NRCAM: variants seen among roughly 807,000 people sequenced by gnomAD.
The protein encoded by NRCAM is NgCAM-related cell adhesion molecule.
Under a neutral mutation model 156.5 loss-of-function variants are expected in NRCAM, and 83 were observed. The observed-to-expected ratio is 0.53, with a 90% CI of 0.44 to 0.64. NRCAM has a LOEUF of 0.64. Ranked by LOEUF, NRCAM falls within the 30% of genes least tolerant of loss-of-function variation. The pLI, the probability that NRCAM is intolerant of heterozygous loss-of-function variation, is 0.00. For missense variants in NRCAM, 1,417 were observed against 1,597.3 expected (o/e 0.89, Z 1.92); for synonymous variants, 538 against 563.9 (o/e 0.95, Z 0.65).
intron 3 of NRCAM, among the ~76,000 whole-genome samples, chr7:108,287,046 C>T (rs969371726): frequency 6.6e-6 from 1 of 152,024 alleles, no homozygotes; most frequent in Non-Finnish European, 1.5e-5. Flanking sequence ...ATTGAAAAGC[C>T]ATATGCCGAA....
At chr7:108,240,384 A>C (rs973375211) in intron 3 of NRCAM, among the ~76,000 whole-genome samples, 2 of 152,172 alleles carry the variant, frequency 1.3e-5, no homozygotes, top group African/African-American at 4.8e-5. Flanking sequence ...TATGAAGCAT[A>C]ATCTGTCTAC....
intron 1 of NRCAM, among the ~76,000 whole-genome samples, chr7:108,436,367 T>C (rs1598008352): frequency 6.6e-6 from 1 of 152,202 alleles, no homozygotes; most frequent in Non-Finnish European, 1.5e-5. Flanking sequence ...TGATTAGATA[T>C]TCTAATATAG....
chr7:108,178,085 A>G lies in NRCAM; in HGVS notation c.2879T>C (p.Ile960Thr), dbSNP rs775319893. ...GAGAGAGTCCAGTGTTGGATTCACA[A>G]TCTTCAAAGACGAGGGAGCACTGGG... The part of the protein sequence containing the change: ...GVPSAPSSLK[I>T]VNPTLDSLTL... Residue 960 changes from isoleucine to threonine, a missense_variant, in exon 26 of 33, where the codon ATT (isoleucine) becomes ACT (threonine). Physicochemically the swap from Ile to Thr is moderately conservative, Grantham distance 89 (BLOSUM62 -1). This residue lies in a region of NRCAM where 1,238 missense variants were observed against 1,336.4 expected (regional missense o/e 0.93). Coordinates refer to ENST00000379028, the MANE Select transcript of NRCAM (RefSeq NM_001037132.4). The G allele has an allele frequency of 4.3e-6, 7 of 1,613,478 alleles. No individual in the cohort carries two copies. The highest frequency in any genetic ancestry group is 5.9e-6 in the Non-Finnish European group (7 of 1,179,652).
intron 28 of NRCAM, among the ~76,000 whole-genome samples, chr7:108,169,721 A>G (rs1229138878): frequency 6.6e-6 from 1 of 152,206 alleles, no homozygotes; most frequent in Non-Finnish European, 1.5e-5. Context: ...TTCTTCTTAT[A>G]GGTAAAATAA....
chr7:108,340,163 A>G (rs2099259313), intron 2 of NRCAM, among the ~76,000 whole-genome samples: 1 of 152,142 alleles, frequency 6.6e-6, no homozygotes, highest in Non-Finnish European at 1.5e-5. Flanking sequence ...TCCTTCTCCA[A>G]CTAATAAGCA....
At chr7:108,450,901 T>C (rs1357975937) in intron 1 of NRCAM, among the ~76,000 whole-genome samples, 1 of 152,182 alleles carries the variant, frequency 6.6e-6, no homozygotes, top group Non-Finnish European at 1.5e-5. Context: ...GTTCAGAATA[T>C]ATAGATATTA....
intron 9 of NRCAM, 117 bp downstream of exon 9, chr7:108,226,091 G>A (rs1261844234): frequency 2.9e-6 from 2 of 688,442 alleles, no homozygotes; most frequent in South Asian, 2.1e-5. Context: ...GCATTCATGG[G>A]TGGCTTCCTG....
chr7:108,256,487 G>C (rs372975633), intron 3 of NRCAM, among the ~76,000 whole-genome samples: 2 of 130,828 alleles, frequency 1.5e-5, no homozygotes, highest in African/African-American at 5.8e-5. Flanking sequence ...CAAACACTGC[G>C]GAAGGCCGCA....
chr7:108,379,352 C>T (rs1473086808), intron 2 of NRCAM, among the ~76,000 whole-genome samples: 1 of 152,122 alleles, frequency 6.6e-6, no homozygotes, highest in Non-Finnish European at 1.5e-5. Flanking sequence ...TGATAAGCCT[C>T]GACTTTGCTA....
chr7:108,238,593 T>C (rs1394058278), intron 4 of NRCAM, among the ~76,000 whole-genome samples: 1 of 152,168 alleles, frequency 6.6e-6, no homozygotes, highest in African/African-American at 2.4e-5. Flanking sequence ...GGTGACTGTT[T>C]CCCTCTGCTT....
At chr7:108,291,029 A>C (rs1405616800) in intron 3 of NRCAM, among the ~76,000 whole-genome samples, 1 of 152,188 alleles carries the variant, frequency 6.6e-6, no homozygotes, top group Non-Finnish European at 1.5e-5. Flanking sequence ...GAACAAAACC[A>C]CTTGGGATTA....
Position 108,207,536 on chromosome 7 carries a change from G to A in NRCAM, c.1199C>T (p.Pro400Leu), listed in dbSNP as rs768601502. 6.2e-6 allele frequency: 10 copies of A among 1,613,680 alleles called. No homozygotes were observed. In the Admixed American group the frequency reaches 6.7e-5, roughly 11 times the overall value. ...CACTCAAGGCAACTTACTTTCTATT[G>A]GGACTCCATTTGTTAACCAGCTAAT... The part of the protein sequence containing the change: ...PRISWLTNGV[P>L]IEIAPDDPSR... Residue 400 changes from proline (P) to leucine (L), a missense_variant, in exon 13 of 33, where the codon CCA (proline) becomes CTA (leucine). By Grantham distance (98) the Pro-to-Leu change is moderately conservative (BLOSUM62 -3). Coordinates refer to ENST00000379028, the MANE Select transcript of NRCAM (RefSeq NM_001037132.4).
chr7:108,266,694 TTTAGAAC>T (rs1270427506), intron 3 of NRCAM, among the ~76,000 whole-genome samples: 1 of 152,192 alleles, frequency 6.6e-6, no homozygotes, highest in Admixed American at 6.5e-5. Context: ...AGCTTCTATA[TTTAGAAC>T]TGGGTCTCCT....
At chr7:108,342,148 G>A (rs1476395604) in intron 2 of NRCAM, among the ~76,000 whole-genome samples, 1 of 152,138 alleles carries the variant, frequency 6.6e-6, no homozygotes, top group East Asian at 1.9e-4. Flanking sequence ...TCTCATACCT[G>A]GACACTCTTG....
intron 24 of NRCAM, among the ~76,000 whole-genome samples, 156 bp from the exon 25 acceptor site, chr7:108,180,583 G>A (rs1463161938): frequency 1.3e-5 from 2 of 152,246 alleles, no homozygotes; most frequent in Non-Finnish European, 2.9e-5. Context: ...TCTGAGGCAA[G>A]AGGAATAGAA....
intron 27 of NRCAM, among the ~76,000 whole-genome samples, chr7:108,176,193 C>T (rs529175020): frequency 6.5e-4 from 99 of 152,192 alleles, no homozygotes; most frequent in Admixed American, 1.4e-3. Context: ...ATTATGCTTA[C>T]TCACTCCCAC....
chr7:108,298,621 C>G (rs1232647446), intron 3 of NRCAM, among the ~76,000 whole-genome samples: 2 of 151,512 alleles, frequency 1.3e-5, no homozygotes, highest in African/African-American at 4.9e-5. Flanking sequence ...CCACTGTACT[C>G]CAGCCTGGGT....
intron 3 of NRCAM, among the ~76,000 whole-genome samples, chr7:108,260,228 G>T (rs1379711896): frequency 2.6e-5 from 4 of 152,100 alleles, no homozygotes; most frequent in African/African-American, 4.8e-5. Context: ...TGACGTCCAA[G>T]AAAGGGCATT....
intron 3 of NRCAM, among the ~76,000 whole-genome samples, chr7:108,309,464 T>C (rs955333725): frequency 1.3e-5 from 2 of 152,206 alleles, no homozygotes; most frequent in Non-Finnish European, 2.9e-5. Flanking sequence ...ATTCTTTCTG[T>C]GGGTGCTGGG....
Sources: allele counts gnomAD v4.1 joint callset (sites outside exome capture counted in the v4.1 genomes callset), GRCh38; gene constraint gnomAD v4.1.1; regional missense constraint gnomAD v4.1.1; transcripts MANE v1.5; gene names NCBI Gene and HGNC (gene_info 2026-07-23, HGNC 2026-07-21).